PTPRQ: variants seen among roughly 807,000 people sequenced by gnomAD.
PTPRQ encodes phosphatidylinositol phosphatase PTPRQ.
PTPRQ carries 199 observed loss-of-function variants against 246.0 expected under a neutral mutation model. The ratio of observed to expected loss-of-function variants is 0.81; its 90% CI spans 0.72 to 0.91. The LOEUF (loss-of-function observed/expected upper bound fraction) is 0.91. PTPRQ is among the 40% of genes least tolerant of loss of function. PTPRQ has a pLI of 0.00. For missense variants in PTPRQ, 2,624 were observed against 2,528.4 expected, an observed-to-expected ratio of 1.04 and a Z score of -0.81; for synonymous variants, 869 against 853.2, an observed-to-expected ratio of 1.02 and a Z score of -0.32.
chr12:80,644,618 T>C (rs572204229), intron 35 of PTPRQ, among the ~76,000 whole-genome samples: 1 of 152,236 alleles, frequency 6.6e-6, no homozygotes, highest in Admixed American at 6.5e-5. Context: ...TTCTAGTGCT[T>C]ATTTAAGCAA....
In PTPRQ at chr12:80,490,743, C is replaced by T. The variant is rs115335848; in HGVS notation, c.1360-2532C>T. 8.2e-3 allele frequency among the ~76,000 whole-genome samples: 1,242 copies of T among 151,896 alleles called. 16 individuals carry two copies. Among genetic ancestry groups the T allele is most frequent in the African/African-American group, 0.028 (1,178 of 41,482 alleles). The stretch of plus-strand genomic sequence containing the variant: ...AACCCTGTATTAAATCAGTGAGTTG[C>T]GAATTTTTAGGTGTTGCAATGGACT... On this transcript the variant is annotated intron_variant, in intron 9 of 44. Coordinates refer to ENST00000644991, the MANE Select transcript of PTPRQ (RefSeq NM_001145026.2).
intron 33 of PTPRQ, among the ~76,000 whole-genome samples, chr12:80,631,715 A>T (rs181569914): frequency 1.1e-3 from 160 of 152,328 alleles, no homozygotes; most frequent in African/African-American, 3.7e-3. Flanking sequence ...TATGAAAGAG[A>T]GTCAAAGATG....
At chr12:80,518,118 C>T (rs1396304073) in intron 17 of PTPRQ, among the ~76,000 whole-genome samples, 1 of 152,052 alleles carries the variant, frequency 6.6e-6, no homozygotes, top group African/African-American at 2.4e-5. Context: ...CAAGGGTTCC[C>T]TTTTCTTCAC....
At chr12:80,598,262 T>C (rs1382618366) in intron 26 of PTPRQ, among the ~76,000 whole-genome samples, 1 of 151,972 alleles carries the variant, frequency 6.6e-6, no homozygotes, top group Non-Finnish European at 1.5e-5. Flanking sequence ...ACTTAACATC[T>C]CATAAAATGA....
At chr12:80,540,745 T>C (rs1247145450) in intron 20 of PTPRQ, among the ~76,000 whole-genome samples, 2 of 152,096 alleles carry the variant, frequency 1.3e-5, no homozygotes, top group Non-Finnish European at 2.9e-5. Context: ...AAATGATAAA[T>C]GTGGGGAAAT....
chr12:80,522,430 T>C (rs1246037743), intron 17 of PTPRQ, among the ~76,000 whole-genome samples: 1 of 152,150 alleles, frequency 6.6e-6, no homozygotes, highest in Non-Finnish European at 1.5e-5. Context: ...AGGGCATCCC[T>C]GTCTTGTGCC....
Position 80,538,118 on chromosome 12 carries a change from A to T in PTPRQ, c.2986-1658A>T, listed in dbSNP as rs566419360. On this transcript the variant is annotated intron_variant, in intron 19 of 44. Transcript: ENST00000644991. ...AGTGAGACTCTGTTTTAAAGAAAAAAAAAGTGTTAAATGAATATTAGTTGG... is the reference window on the plus strand; with the variant it reads ...AGTGAGACTCTGTTTTAAAGAAAAATAAAGTGTTAAATGAATATTAGTTGG... 7.9e-5 allele frequency among the ~76,000 whole-genome samples: 12 copies of T among 152,288 alleles called. No individual in the cohort carries two copies. In the South Asian group the frequency reaches 2.5e-3, roughly 32 times the overall value.
At chr12:80,484,028 T>G (rs1162266402) in intron 8 of PTPRQ, among the ~76,000 whole-genome samples, 1 of 151,806 alleles carries the variant, frequency 6.6e-6, no homozygotes, top group African/African-American at 2.4e-5. Context: ...TGTTTTTTGA[T>G]GGAGTCTTGC....
intron 20 of PTPRQ, among the ~76,000 whole-genome samples, chr12:80,540,437 T>A (rs1200666908): frequency 6.6e-6 from 1 of 152,092 alleles, no homozygotes; most frequent in African/African-American, 2.4e-5. Flanking sequence ...TTATCCCGAG[T>A]ATTCAGAAAA....
chr12:80,613,813 G>T lies in PTPRQ; in HGVS notation c.5140G>T (p.Gly1714Cys). The change falls in exon 29 of 45, where the codon GGT becomes TGT. Residue 1714 changes from glycine to cysteine, a missense_variant. Gly to Cys is a radical substitution (Grantham distance 159, BLOSUM62 -3). Coordinates refer to ENST00000644991, the MANE Select transcript of PTPRQ (RefSeq NM_001145026.2). ...FVIAMLEGLK[G>C]GHTYNISVYA... ...CATTGCAATGCTAGAAGGACTAAAA[G>T]GTGGACATACATACAATATCAGTGT... The T allele has an allele frequency of 6.5e-7, 1 of 1,537,956 alleles. No individual in the cohort carries two copies. The highest frequency in any genetic ancestry group is 8.8e-7 in the Non-Finnish European group (1 of 1,139,564).
chr12:80,548,623 T>C (rs930039763), intron 24 of PTPRQ, among the ~76,000 whole-genome samples: 1 of 152,118 alleles, frequency 6.6e-6, no homozygotes, highest in Non-Finnish European at 1.5e-5. Flanking sequence ...CAGCAAGTTA[T>C]TTTCTTTCAA....
Position 80,574,665 on chromosome 12 carries a change from T to C in PTPRQ, c.4286-13464T>C, listed in dbSNP as rs74870186. 3.3e-5 allele frequency among the ~76,000 whole-genome samples: 5 copies of C among 152,334 alleles called. No homozygotes were observed. The East Asian group carries it at 9.6e-4, about 29-fold the overall frequency. On this transcript the variant is annotated intron_variant, in intron 25 of 44. Transcript: ENST00000644991. ...TTAATTTATGTAACTGGAAATAAAA[T>C]ACATGAATTTTGCAGAAGTATTCCC...
At chr12:80,476,567 A>G (rs1893818120) in intron 8 of PTPRQ, among the ~76,000 whole-genome samples, 2 of 152,224 alleles carry the variant, frequency 1.3e-5, no homozygotes, top group South Asian at 4.1e-4. Context: ...GTATAGTCAT[A>G]GTTACTATAA....
Position 80,668,838 on chromosome 12 carries a change from G to T in PTPRQ, c.6193-169G>T, listed in dbSNP as rs138160084. On this transcript the variant is annotated intron_variant, in intron 39 of 44. Transcript: ENST00000644991. ...GTTGTGTAGTATATCAGATTGTGAG[G>T]ATAAATTTAGACGTTGGAAATTTTG... Among the ~76,000 whole-genome samples the T allele has an allele frequency of 2.6e-3, 396 of 151,626 alleles. 2 individuals are homozygous for T. The highest frequency in any genetic ancestry group is 8.7e-3 in the African/African-American group (360 of 41,372).
Position 80,466,084 on chromosome 12 carries a change from C to G in PTPRQ, c.911-2626C>G, listed in dbSNP as rs1243769179. The stretch of plus-strand genomic sequence containing the variant: ...TCAAAATGTCCCTGTTTGCAGACGA[C>G]ATGATTGTGTATCTAGAAAACCCCA... On this transcript the variant is annotated intron_variant, in intron 6 of 44. Transcript: ENST00000644991. Among the ~76,000 whole-genome samples the G allele has an allele frequency of 3.9e-5, 6 of 152,194 alleles. No homozygotes were observed. In the South Asian group the frequency reaches 1.2e-3, roughly 32 times the overall value.
At chr12:80,586,085 T>C (rs1279053838) in intron 25 of PTPRQ, among the ~76,000 whole-genome samples, 1 of 151,994 alleles carries the variant, frequency 6.6e-6, no homozygotes, top group African/African-American at 2.4e-5. Flanking sequence ...TATGGATGCA[T>C]AGTATTCCAT....
At chr12:80,605,570 A>T (rs1898287369) in intron 27 of PTPRQ, among the ~76,000 whole-genome samples, 1 of 151,284 alleles carries the variant, frequency 6.6e-6, no homozygotes, top group African/African-American at 2.4e-5. Flanking sequence ...AGTAATTCAT[A>T]ATACAAAATG....
At chr12:80,499,239 C>T (rs1786227158) in intron 14 of PTPRQ, among the ~76,000 whole-genome samples, 1 of 151,922 alleles carries the variant, frequency 6.6e-6, no homozygotes, top group African/African-American at 2.4e-5. Context: ...CCTAGCCAGG[C>T]CTAACAATCA....
rs192518186 is a variant in PTPRQ at position 80,604,862 on chromosome 12, G to T, written c.4610-197G>T. Among the ~76,000 whole-genome samples the T allele has an allele frequency of 3.1e-3, 477 of 151,528 alleles. 7 individuals are homozygous for T. Among genetic ancestry groups the T allele is most frequent in the South Asian group, 0.016 (77 of 4,820 alleles). ...TTAATTAAGTTTTCATGTGGAAGTT[G>T]TTCATCTAGAGTAACTAATTTTAAA... On this transcript the variant is annotated intron_variant, in intron 26 of 44. Coordinates refer to ENST00000644991, the MANE Select transcript of PTPRQ (RefSeq NM_001145026.2).
Sources: allele counts gnomAD v4.1 joint callset (sites outside exome capture counted in the v4.1 genomes callset), GRCh38; gene constraint gnomAD v4.1.1; transcripts MANE v1.5; gene names NCBI Gene and HGNC (gene_info 2026-07-23, HGNC 2026-07-21).